SLCO5A1: variants seen among roughly 807,000 people sequenced by gnomAD.
SLCO5A1 encodes solute carrier organic anion transporter family member 5A1, also known as organic anion transporter polypeptide-related protein 4.
A neutral mutation model predicts 65.1 loss-of-function variants in SLCO5A1; 39 were observed. That is an observed-to-expected ratio of 0.60 (90% CI 0.46 to 0.78). The LOEUF is 0.78. SLCO5A1 is among the 30% of genes least tolerant of loss of function. The pLI is 0.00. For synonymous variants in SLCO5A1, 438 were observed against 415.7 expected, an observed-to-expected ratio of 1.05 and a Z score of -0.65; for missense variants, 1,029 against 1,069.4, an observed-to-expected ratio of 0.96 and a Z score of 0.53.
intron 2 of SLCO5A1, among the ~76,000 whole-genome samples, chr8:69,821,158 T>C (rs1437849912): frequency 6.6e-6 from 1 of 151,746 alleles, no homozygotes; most frequent in Non-Finnish European, 1.5e-5. Context: ...ACTCAACTGA[T>C]TTGAAGCTCA....
chr8:69,670,770 C>T lies in SLCO5A1; in HGVS notation c.*2099G>A, dbSNP rs1026543560. On this transcript the variant is annotated 3_prime_UTR_variant, in exon 10 of 10. Coordinates refer to ENST00000260126, the MANE Select transcript of SLCO5A1 (RefSeq NM_030958.3). ...TTAGCTACCAGAAAAAGTGCCAATC[C>T]CACCAAAATTCTCTCAATGCAGTAT... 7 of 152,096 alleles carry T rather than the reference C, an allele frequency of 4.6e-5. No homozygotes were observed. The highest frequency in any genetic ancestry group is 1.7e-4 in the African/African-American group (7 of 41,392). The allele number at this position is 152,096 out of a possible 1,614,324, so 9.4% of individuals were successfully genotyped here.
In SLCO5A1 at chr8:69,755,646, A is replaced by C; in HGVS notation, c.1041-5T>G. 2 of 1,604,010 alleles carry C rather than the reference A, an allele frequency of 1.2e-6. No homozygotes were observed. Among genetic ancestry groups the C allele is most frequent in the Non-Finnish European group, 1.7e-6 (2 of 1,175,520 alleles). On this transcript the variant is annotated splice_polypyrimidine_tract_variant and splice_region_variant and intron_variant, in intron 3 of 9. Coordinates refer to ENST00000260126, the MANE Select transcript of SLCO5A1 (RefSeq NM_030958.3). ...CAAAGGAGGAATCCACTCCACCTAAAAAATTGGAAAATGTGAATAGCATTT... is the reference window on the plus strand; with the variant it reads ...CAAAGGAGGAATCCACTCCACCTAACAAATTGGAAAATGTGAATAGCATTT...
chr8:69,679,329 G>A, intron 8 of SLCO5A1, 49 bp downstream of exon 8: 2 of 1,607,012 alleles, frequency 1.2e-6, no homozygotes, highest in African/African-American at 1.3e-5. Flanking sequence ...TATGTGCTCT[G>A]GAAATTATAA....
At chr8:69,682,007 A>C (rs906989162) in intron 7 of SLCO5A1, among the ~76,000 whole-genome samples, 177 bp downstream of exon 7, 1 of 152,214 alleles carries the variant, frequency 6.6e-6, no homozygotes, top group Admixed American at 6.5e-5. Context: ...CCTGGAAAAA[A>C]AAATAATAGC....
At chr8:69,793,862 A>T (rs1377015443) in intron 2 of SLCO5A1, among the ~76,000 whole-genome samples, 1 of 152,154 alleles carries the variant, frequency 6.6e-6, no homozygotes, top group African/African-American at 2.4e-5. Flanking sequence ...GAGGAGAGAG[A>T]AGAATGGCTA....
At chr8:69,814,265 C>T (rs1820319150) in intron 2 of SLCO5A1, among the ~76,000 whole-genome samples, 1 of 151,982 alleles carries the variant, frequency 6.6e-6, no homozygotes, top group Admixed American at 6.6e-5. Flanking sequence ...GCCCACAGAT[C>T]GCAAGAAAAC....
At chr8:69,748,966 A>C (rs371883111) in intron 4 of SLCO5A1, among the ~76,000 whole-genome samples, 6 of 152,326 alleles carry the variant, frequency 3.9e-5, no homozygotes, top group Admixed American at 1.3e-4. Flanking sequence ...TCCTATGGCA[A>C]GTATGGGGAA....
intron 2 of SLCO5A1, among the ~76,000 whole-genome samples, chr8:69,819,180 G>T (rs1347643947): frequency 6.6e-6 from 1 of 152,078 alleles, no homozygotes; most frequent in East Asian, 1.9e-4. Context: ...TCCTCAGGAA[G>T]GAAGAAGGGG....
At chr8:69,784,814 A>G (rs1452149633) in intron 2 of SLCO5A1, among the ~76,000 whole-genome samples, 1 of 75,490 alleles carries the variant, frequency 1.3e-5, no homozygotes, top group African/African-American at 3.8e-5. Context: ...AGAAAGAAAA[A>G]GAAAGAAAGA....
chr8:69,830,760 C>T (rs1821119654), intron 2 of SLCO5A1, among the ~76,000 whole-genome samples: 1 of 152,160 alleles, frequency 6.6e-6, no homozygotes, highest in Non-Finnish European at 1.5e-5. Context: ...CTCAAGCACC[C>T]CTGTCCACTG....
Position 69,831,972 on chromosome 8 carries a change from G to A in SLCO5A1, c.702C>T (p.Asp234=), listed in dbSNP as rs1297701238. 6.3e-6 allele frequency: 10 copies of A among 1,593,076 alleles called. No homozygotes were observed. Among genetic ancestry groups the A allele is most frequent in the Non-Finnish European group, 8.5e-6 (10 of 1,170,518 alleles). ...TGGAGTTGCCACCCTGACACAGGCC[G>A]TCGTTGGGGGCCGAGGCGTTCAACT... ...IQELNASAPN[D]GLCQGGNSTA... Residue 234 remains aspartate, a synonymous_variant, in exon 2 of 10, where the codon GAC becomes GAT. Transcript: ENST00000260126.
chr8:69,769,701 T>C (rs1818231504), intron 2 of SLCO5A1, among the ~76,000 whole-genome samples: 1 of 152,206 alleles, frequency 6.6e-6, no homozygotes, highest in Admixed American at 6.6e-5. Flanking sequence ...TTATTTTTGA[T>C]CCAGGAACTG....
At chr8:69,748,933 A>G (rs546805251) in intron 4 of SLCO5A1, among the ~76,000 whole-genome samples, 10 of 152,172 alleles carry the variant, frequency 6.6e-5, no homozygotes, top group Admixed American at 2.0e-4. Flanking sequence ...AAGGGGTTTT[A>G]TATAAAGGGC....
Position 69,809,947 on chromosome 8 carries a change from G to A in SLCO5A1, c.907+21820C>T, listed in dbSNP as rs1307054286. Among the ~76,000 whole-genome samples the A allele has an allele frequency of 2.6e-5, 4 of 152,118 alleles. 1 individual carries two copies. ...GGTGAATGACTCACACATAACTCAT[G>A]GTCATGATCACAAGTCTCACTAACA... On this transcript the variant is annotated intron_variant, in intron 2 of 9. Coordinates refer to ENST00000260126, the MANE Select transcript of SLCO5A1 (RefSeq NM_030958.3).
chr8:69,676,739 A>C (rs778867291), intron 8 of SLCO5A1, 66 bp from the exon 9 acceptor site: 1 of 1,462,186 alleles, frequency 6.8e-7, no homozygotes, highest in Non-Finnish European at 9.5e-7. Flanking sequence ...ATGTCAAATC[A>C]AGTCGGCTTT....
intron 2 of SLCO5A1, among the ~76,000 whole-genome samples, chr8:69,767,100 T>C (rs1364006322): frequency 2.6e-5 from 4 of 152,226 alleles, no homozygotes; most frequent in East Asian, 1.9e-4. Context: ...TCATTGGTTT[T>C]CTCTCTTGAT....
intron 2 of SLCO5A1, among the ~76,000 whole-genome samples, chr8:69,813,016 G>A (rs1420056713): frequency 6.6e-6 from 1 of 152,034 alleles, no homozygotes; most frequent in Non-Finnish European, 1.5e-5. Context: ...AGAGACATAA[G>A]CAAATTTCTA....
At chr8:69,755,266 T>A (rs1233991463) in intron 4 of SLCO5A1, among the ~76,000 whole-genome samples, 158 bp downstream of exon 4, 1 of 152,170 alleles carries the variant, frequency 6.6e-6, no homozygotes, top group Non-Finnish European at 1.5e-5. Flanking sequence ...GGCAAAAAAA[T>A]TACTCTGTCA....
chr8:69,726,192 T>C (rs776001180), intron 5 of SLCO5A1, among the ~76,000 whole-genome samples: 41 of 152,206 alleles, frequency 2.7e-4, no homozygotes, highest in Non-Finnish European at 4.7e-4. Context: ...AAAGATTTAG[T>C]CAACAGACAT....
Sources: gnomAD v4.1 joint callset for allele counts (sites outside exome capture counted in the v4.1 genomes callset) on GRCh38, gnomAD v4.1.1 for gene constraint, MANE v1.5 for transcripts, NCBI Gene and HGNC (gene_info 2026-07-23, HGNC 2026-07-21) for gene names.